ADARB2: variants seen among roughly 807,000 people sequenced by gnomAD.
ADARB2 encodes the protein inactive double-stranded RNA-specific editase B2.
Under a neutral mutation model 62.2 loss-of-function variants are expected in ADARB2, and 25 were observed. The ratio of observed to expected loss-of-function variants is 0.40; its 90% confidence interval spans 0.29 to 0.56. The LOEUF (loss-of-function observed/expected upper bound fraction) is 0.56. ADARB2 is among the 20% of genes least tolerant of loss of function. The pLI is 0.43. For synonymous variants in ADARB2, 572 were observed against 500.8 expected (o/e 1.14, Z -1.90); for missense variants, 1,071 against 1,077.4 (o/e 0.99, Z 0.08).
chr10:1,698,392 G>A (rs903231099), intron 1 of ADARB2, among the ~76,000 whole-genome samples: 1 of 152,182 alleles, frequency 6.6e-6, no homozygotes, highest in Non-Finnish European at 1.5e-5. Flanking sequence ...ACTGGAGGGG[G>A]CTCTGCGACC....
intron 1 of ADARB2, among the ~76,000 whole-genome samples, chr10:1,645,362 G>T (rs1277938449): frequency 6.6e-6 from 1 of 152,234 alleles, no homozygotes; most frequent in African/African-American, 2.4e-5. Context: ...CCAGGGTAGA[G>T]ATGCATGCCA....
At chr10:1,729,857 A>G (rs1835211004) in intron 1 of ADARB2, among the ~76,000 whole-genome samples, 1 of 152,262 alleles carries the variant, frequency 6.6e-6, no homozygotes, top group South Asian at 2.1e-4. Flanking sequence ...GAGAAGACGT[A>G]TTTGAGAAAT....
At chr10:1,703,660 T>C (rs1189003816) in intron 1 of ADARB2, among the ~76,000 whole-genome samples, 3 of 152,232 alleles carry the variant, frequency 2.0e-5, no homozygotes, top group Non-Finnish European at 2.9e-5. Context: ...AAATGATTAA[T>C]TGATGATTTT....
At chr10:1,612,900 T>C (rs189506497) in intron 1 of ADARB2, among the ~76,000 whole-genome samples, 1 of 152,352 alleles carries the variant, frequency 6.6e-6, no homozygotes, top group Admixed American at 6.5e-5. Context: ...TCTTAAACTA[T>C]TGGGTTGTAG....
Position 1,417,865 on chromosome 10 carries a change from G to T in ADARB2, c.101-38705C>A, listed in dbSNP as rs377420214. On this transcript the variant is annotated intron_variant, in intron 1 of 9. Transcript: ENST00000381312. ...CATGTGCGTTGAGGCCACGCGCTGT[G>T]GGCCCCAAGGCACCTCAAAGTTTAG... Among the ~76,000 whole-genome samples, 18 of 152,384 alleles carry T rather than the reference G, an allele frequency of 1.2e-4. No homozygotes were observed. The East Asian group carries it at 1.9e-3, about 16-fold the overall frequency.
chr10:1,279,759 T>TGGAA (rs1411867901), intron 3 of ADARB2, among the ~76,000 whole-genome samples: 1 of 152,202 alleles, frequency 6.6e-6, no homozygotes, highest in Non-Finnish European at 1.5e-5. Flanking sequence ...TTCTCTCTCT[T>TGGAA]GGAAAGGGAC....
intron 1 of ADARB2, among the ~76,000 whole-genome samples, chr10:1,538,266 G>A (rs1227292212): frequency 6.6e-6 from 1 of 152,206 alleles, no homozygotes; most frequent in Non-Finnish European, 1.5e-5. Context: ...GCAGACCTCT[G>A]GGAAGGAGGG....
At chr10:1,563,612 G>A (rs1350878489) in intron 1 of ADARB2, among the ~76,000 whole-genome samples, 1 of 150,064 alleles carries the variant, frequency 6.7e-6, no homozygotes, top group Non-Finnish European at 1.5e-5. Context: ...GTCTCTATAG[G>A]ACATTTCATT....
chr10:1,691,128 A>G (rs1834667139), intron 1 of ADARB2, among the ~76,000 whole-genome samples: 1 of 152,124 alleles, frequency 6.6e-6, no homozygotes, highest in Non-Finnish European at 1.5e-5. Flanking sequence ...ATTAAGTTAA[A>G]CTGAGGTGGC....
intron 2 of ADARB2, among the ~76,000 whole-genome samples, chr10:1,373,667 C>T (rs1430408110): frequency 1.3e-5 from 2 of 152,168 alleles, no homozygotes; most frequent in African/African-American, 4.8e-5. Context: ...GGCATGGTGG[C>T]CCTGGGAGAC....
chr10:1,217,147 G>A (rs1203899472), intron 6 of ADARB2, 28 bp from the exon 7 acceptor site: 2 of 1,534,604 alleles, frequency 1.3e-6, no homozygotes, highest in Non-Finnish European at 1.8e-6. Context: ...GGGGAGGGGT[G>A]AGAAGAGGGA....
chr10:1,541,796 C>A (rs1832432850), intron 1 of ADARB2, among the ~76,000 whole-genome samples: 1 of 46,954 alleles, frequency 2.1e-5, no homozygotes, highest in Non-Finnish European at 4.1e-5. Flanking sequence ...TCACAGCCGC[C>A]CAGACCGCAC....
chr10:1,382,865 G>A (rs941230792), intron 1 of ADARB2, among the ~76,000 whole-genome samples: 5 of 152,212 alleles, frequency 3.3e-5, no homozygotes, highest in African/African-American at 9.6e-5. Flanking sequence ...GTCAGGGGTC[G>A]GCTGGGCACT....
At chr10:1,214,222 G>GCA (rs1589153635) in intron 7 of ADARB2, among the ~76,000 whole-genome samples, 15 of 134,660 alleles carry the variant, frequency 1.1e-4, no homozygotes, top group South Asian at 2.7e-4. Context: ...CCAGCATCGT[G>GCA]TAGGTTTGCA....
intron 1 of ADARB2, among the ~76,000 whole-genome samples, chr10:1,501,031 C>T (rs542790218): frequency 6.6e-6 from 1 of 152,130 alleles, no homozygotes; most frequent in Non-Finnish European, 1.5e-5. Flanking sequence ...TGCACCACCA[C>T]GCCCAGCTAA....
chr10:1,542,782 CA>C (rs1353389081), intron 1 of ADARB2, among the ~76,000 whole-genome samples: 6 of 104,998 alleles, frequency 5.7e-5, no homozygotes, highest in African/African-American at 1.0e-4. Flanking sequence ...AGACGCAGTT[CA>C]GACCCTGGAT....
Position 1,587,278 on chromosome 10 carries a change from G to A in ADARB2, c.100+149773C>T, listed in dbSNP as rs1258262441. ...CATGAAGGCTCCAGAGATGTAAGTC[G>A]GGTTCTGGGCGTCCGGGGGCCCTTT... On this transcript the variant is annotated intron_variant, in intron 1 of 9. Transcript: ENST00000381312. Among the ~76,000 whole-genome samples, 3 of 152,146 alleles carry A rather than the reference G, an allele frequency of 2.0e-5. No homozygotes were observed. In the South Asian group the frequency reaches 6.2e-4, roughly 32 times the overall value.
At chr10:1,253,159 T>C (rs999159581) in intron 4 of ADARB2, among the ~76,000 whole-genome samples, 2 of 152,246 alleles carry the variant, frequency 1.3e-5, no homozygotes, top group African/African-American at 4.8e-5. Context: ...GTTCTTAACA[T>C]GTGCCTGATA....
At chr10:1,512,851 G>A (rs967184187) in intron 1 of ADARB2, among the ~76,000 whole-genome samples, 2 of 152,158 alleles carry the variant, frequency 1.3e-5, no homozygotes, top group African/African-American at 4.8e-5. Flanking sequence ...AGTCTGTGCT[G>A]GGCTCACCCC....
Sources: gnomAD v4.1 joint callset for allele counts (sites outside exome capture counted in the v4.1 genomes callset) on GRCh38, gnomAD v4.1.1 for gene constraint, MANE v1.5 for transcripts, NCBI Gene and HGNC (gene_info 2026-07-23, HGNC 2026-07-21) for gene names.